The following BTG4 variants were observed in gnomAD, a reference collection of about 807,000 sequenced individuals.
The protein encoded by BTG4 is protein BTG4.
A neutral mutation model predicts 19.3 loss-of-function variants in BTG4; 10 were observed. The ratio of observed to expected loss-of-function variants is 0.52; its 90% CI spans 0.32 to 0.88. The LOEUF (loss-of-function observed/expected upper bound fraction) is 0.88. Ranked by LOEUF, BTG4 falls within the 40% of genes least tolerant of loss-of-function variation. BTG4 has a pLI of 0.04. For missense variants in BTG4, 238 were observed against 281.9 expected, an observed-to-expected ratio of 0.84 and a Z score of 1.11; for synonymous variants, 91 against 95.7, an observed-to-expected ratio of 0.95 and a Z score of 0.29.
At chr11:111,437,975 G>A in the BTG4 span, among the ~76,000 whole-genome samples, 1 of 152,176 alleles carries the variant, frequency 6.6e-6, no homozygotes, top group Non-Finnish European at 1.5e-5. Flanking sequence ...CCCCCAAGCA[G>A]AGGGGAACTG....
the BTG4 span, among the ~76,000 whole-genome samples, chr11:111,408,749 C>T: frequency 1.3e-5 from 2 of 152,224 alleles, no homozygotes; most frequent in Non-Finnish European, 2.9e-5. Flanking sequence ...AAGTGAGCAT[C>T]GTGCACCTAT....
At chr11:111,449,923 T>C in the BTG4 span, 1 of 152,300 alleles carries the variant, frequency 6.6e-6, no homozygotes, top group African/African-American at 2.4e-5. Flanking sequence ...TCCTACCTCA[T>C]GCAGAGCCAG....
At chr11:111,411,470 C>T in the BTG4 span, among the ~76,000 whole-genome samples, 1 of 152,206 alleles carries the variant, frequency 6.6e-6, no homozygotes, top group African/African-American at 2.4e-5. Context: ...CCTTCCCTGG[C>T]CATCCTATTG....
At chr11:111,421,508 T>A in the BTG4 span, among the ~76,000 whole-genome samples, 5 of 152,212 alleles carry the variant, frequency 3.3e-5, no homozygotes, top group East Asian at 9.6e-4. Flanking sequence ...TGGGCTCCCA[T>A]CTGGCTACCA....
the BTG4 span, among the ~76,000 whole-genome samples, chr11:111,388,373 A>T: frequency 6.8e-6 from 1 of 147,814 alleles, no homozygotes; most frequent in African/African-American, 2.5e-5. Context: ...TTGCTTTGGG[A>T]TTTTGGAAGC....
At chr11:111,511,666 G>T (rs879564214) in intron 1 of BTG4, among the ~76,000 whole-genome samples, 2 of 152,172 alleles carry the variant, frequency 1.3e-5, no homozygotes, top group Non-Finnish European at 1.5e-5. Context: ...AGGAGGGGAA[G>T]GAAAGTTATT....
chr11:111,395,505 C>T, the BTG4 span, among the ~76,000 whole-genome samples: 1 of 152,228 alleles, frequency 6.6e-6, no homozygotes, highest in African/African-American at 2.4e-5. Flanking sequence ...AGTCAGGGAC[C>T]TCCCCTATTT....
intron 1 of BTG4, chr11:111,507,992 T>C (rs939261676): frequency 2.0e-5 from 3 of 152,176 alleles, no homozygotes; most frequent in Non-Finnish European, 1.5e-5. Flanking sequence ...TCCACATATC[T>C]AACTCCACCA....
the BTG4 span, among the ~76,000 whole-genome samples, chr11:111,391,182 C>A: frequency 6.6e-6 from 1 of 152,172 alleles, no homozygotes; most frequent in Non-Finnish European, 1.5e-5. Flanking sequence ...AGTTCTCCAG[C>A]CCAACTATGT....
the BTG4 span, among the ~76,000 whole-genome samples, chr11:111,402,390 T>G: frequency 7.9e-5 from 12 of 152,346 alleles, no homozygotes; most frequent in African/African-American, 2.6e-4. Context: ...TTATTTTGTA[T>G]CAATCTAAGA....
chr11:111,446,967 A>G, the BTG4 span, among the ~76,000 whole-genome samples: 53 of 152,282 alleles, frequency 3.5e-4, no homozygotes, highest in East Asian at 2.3e-3. Flanking sequence ...AAGACTTACT[A>G]CAAAAAAAGA....
At chr11:111,400,630 G>C in the BTG4 span, among the ~76,000 whole-genome samples, 1 of 152,164 alleles carries the variant, frequency 6.6e-6, no homozygotes, top group Non-Finnish European at 1.5e-5. Context: ...CTTCCTCTAG[G>C]AGATAGAGGT....
In BTG4 at chr11:111,495,158, G is replaced by A. The variant is rs574289357; in HGVS notation, c.667C>T (p.His223Tyr). 1.7e-4 allele frequency: 276 copies of A among 1,585,250 alleles called. 3 individuals carry two copies. In the South Asian group the frequency reaches 2.4e-3, roughly 14 times the overall value. The change falls in exon 5 of 5, where the codon CAC becomes TAC. Residue 223 changes from histidine to tyrosine, a missense_variant. Transcript: ENST00000692032. ...CGTCATCGGTGTGTGTTGACCCAGTGGTACCTGTCCAGCCGGTGCATAGCA... is the reference window on the plus strand; with the variant it reads ...CGTCATCGGTGTGTGTTGACCCAGTAGTACCTGTCCAGCCGGTGCATAGCA... Reference protein sequence around the residue: ...RPAMHRLDRYHWVNTHR With the variant: ...RPAMHRLDRYYWVNTHR
chr11:111,432,775 C>T, the BTG4 span, among the ~76,000 whole-genome samples: 7 of 152,206 alleles, frequency 4.6e-5, no homozygotes, highest in Non-Finnish European at 8.8e-5. Context: ...TTTTGAATTG[C>T]TTTACACTGT....
At chr11:111,396,492 C>G in the BTG4 span, among the ~76,000 whole-genome samples, 1 of 152,212 alleles carries the variant, frequency 6.6e-6, no homozygotes, top group African/African-American at 2.4e-5. Context: ...ATTCACTACC[C>G]CCTTGTTTTT....
At chr11:111,440,003 A>C in the BTG4 span, among the ~76,000 whole-genome samples, 7 of 152,206 alleles carry the variant, frequency 4.6e-5, no homozygotes, top group African/African-American at 1.7e-4. Flanking sequence ...GTTTTATTTT[A>C]TCTCACAGTG....
At chr11:111,457,022 G>C in the BTG4 span, 1 of 154,850 alleles carries the variant, frequency 6.5e-6, no homozygotes, top group Non-Finnish European at 1.4e-5. Flanking sequence ...AAGGAGGCTG[G>C]TGCATTAAAG....
intron 5 of BTG4, among the ~76,000 whole-genome samples, chr11:111,469,526 A>G (rs866173895): frequency 6.6e-6 from 1 of 152,206 alleles, no homozygotes; most frequent in African/African-American, 2.4e-5. Context: ...CCGTGGCAGC[A>G]TATGACAAAA....
intron 1 of BTG4, 62 bp downstream of exon 1, chr11:111,512,119 T>C (rs1055767097): frequency 1.3e-5 from 2 of 152,028 alleles, no homozygotes; most frequent in African/African-American, 4.8e-5. Flanking sequence ...CATCCTCCCA[T>C]ATGTCAGAGG....
Sources: gnomAD v4.1 joint callset for allele counts (sites outside exome capture counted in the v4.1 genomes callset) on GRCh38, gnomAD v4.1.1 for gene constraint, MANE v1.5 for transcripts, NCBI Gene and HGNC (gene_info 2026-07-23, HGNC 2026-07-21) for gene names.